The following MDM1 variants were observed in gnomAD, a reference collection of about 807,000 sequenced individuals.
MDM1 encodes Mdm1 nuclear protein.
A neutral mutation model predicts 89.1 loss-of-function variants in MDM1; 61 were observed. The ratio of observed to expected loss-of-function variants is 0.68; its 90% CI spans 0.56 to 0.85. The LOEUF (loss-of-function observed/expected upper bound fraction) is 0.85, where lower values mean the gene tolerates loss of function less well. Among genes scored for constraint, MDM1 ranks in the 40% least tolerant of loss-of-function variants. The probability of loss-of-function intolerance (pLI) is 0.00; values close to 1 mark genes in which losing one functional copy is unlikely to be tolerated. For missense variants in MDM1, 820 were observed against 846.5 expected (o/e 0.97, Z 0.39); for synonymous variants, 290 against 294.1 (o/e 0.99, Z 0.14).
At chr12:68,322,549 G>C (rs1875370363) in intron 5 of MDM1, among the ~76,000 whole-genome samples, 2 of 152,152 alleles carry the variant, frequency 1.3e-5, no homozygotes, top group Non-Finnish European at 2.9e-5. Flanking sequence ...CAGGAGAATT[G>C]CTTGAATCCG....
At chr12:68,296,555 ATTTG>A (rs1266636540) in intron 14 of MDM1, among the ~76,000 whole-genome samples, 4 of 152,356 alleles carry the variant, frequency 2.6e-5, no homozygotes, top group Non-Finnish European at 5.9e-5. Context: ...CTAATCATGT[ATTTG>A]TTTGACCATG....
chr12:68,299,023 G>T (rs1046765367), intron 13 of MDM1, among the ~76,000 whole-genome samples: 4 of 151,638 alleles, frequency 2.6e-5, no homozygotes, highest in Admixed American at 6.6e-5. Flanking sequence ...TATAACCAAA[G>T]AACTTATAAA....
At chr12:68,306,905 G>A (rs1033452051) in intron 12 of MDM1, among the ~76,000 whole-genome samples, 1 of 152,146 alleles carries the variant, frequency 6.6e-6, no homozygotes, top group African/African-American at 2.4e-5. Context: ...GTTTATTCCA[G>A]CACTATTCAC....
chr12:68,314,565 TA>T (rs1220793409), intron 10 of MDM1, among the ~76,000 whole-genome samples: 1 of 152,240 alleles, frequency 6.6e-6, no homozygotes, highest in Non-Finnish European at 1.5e-5. Context: ...AATCACTTTT[TA>T]AAAAATATTA....
At chr12:68,316,644 A>G (rs1404136747) in intron 7 of MDM1, 34 bp from the exon 8 acceptor site, 6 of 1,477,470 alleles carry the variant, frequency 4.1e-6, no homozygotes, top group Non-Finnish European at 4.6e-6. Context: ...ACTTAATGAT[A>G]GGTTAATGCC....
intron 14 of MDM1, 55 bp downstream of exon 14, chr12:68,296,868 T>C (rs1871464089): frequency 8.1e-7 from 1 of 1,231,814 alleles, no homozygotes; most frequent in Non-Finnish European, 1.1e-6. Context: ...TGTAAAGCCA[T>C]TATACTCTCA....
chr12:68,295,365 A>T lies in MDM1; in HGVS notation c.2064T>A (p.Asp688Glu). 5 of 1,599,224 alleles carry T rather than the reference A, an allele frequency of 3.1e-6. No homozygotes were observed. The highest frequency in any genetic ancestry group is 4.3e-6 in the Non-Finnish European group (5 of 1,170,926). The part of the protein sequence containing the change: ...LPQHEAFNDE[D>E]EDRLSEISAR... ...CAGAAATCTCAGACAATCTGTCCTC[A>T]TCTGCAATGAAAAAATCCCGAGATT... Residue 688 changes from aspartate (D) to glutamate (E), a missense_variant and splice_region_variant, in exon 15 of 15, where the codon GAT (aspartate) becomes GAA (glutamate). By Grantham distance (45) the Asp-to-Glu change is conservative. Transcript: ENST00000682720.
intron 7 of MDM1, among the ~76,000 whole-genome samples, chr12:68,317,382 T>C (rs1293434942): frequency 6.6e-6 from 1 of 152,018 alleles, no homozygotes; most frequent in Non-Finnish European, 1.5e-5. Context: ...AGAAAATCTT[T>C]ATTCTAGAAT....
chr12:68,326,459 A>G, intron 3 of MDM1, 198 bp downstream of exon 3: 1 of 1,476,828 alleles, frequency 6.8e-7, no homozygotes, highest in Non-Finnish European at 8.9e-7. Context: ...TACAACTACT[A>G]CAAAATAGCG....
At chr12:68,323,036 G>A (rs1483559443) in intron 5 of MDM1, 37 bp downstream of exon 5, 15 of 1,562,816 alleles carry the variant, frequency 9.6e-6, no homozygotes, top group Non-Finnish European at 1.2e-5. Context: ...TAAAATAACG[G>A]GGATTTTGTT....
At chr12:68,326,388 C>T (rs1008731686) in intron 3 of MDM1, 2 of 1,439,884 alleles carry the variant, frequency 1.4e-6, no homozygotes, top group Admixed American at 5.7e-5. Flanking sequence ...GACTCAGGTG[C>T]TAATATATGA....
At chr12:68,298,452 G>T (rs1192064706) in intron 13 of MDM1, among the ~76,000 whole-genome samples, 1 of 152,114 alleles carries the variant, frequency 6.6e-6, no homozygotes, top group African/African-American at 2.4e-5. Context: ...CTCATGAAGG[G>T]TCTTGGAGAA....
chr12:68,327,039 C>G lies in MDM1; in HGVS notation c.134-18G>C, dbSNP rs771928650. 6.1e-5 allele frequency: 95 copies of G among 1,548,500 alleles called. 1 individual carries two copies. The highest frequency in any genetic ancestry group is 3.4e-4 in the Admixed American group (16 of 47,618). On this transcript the variant is annotated intron_variant, in intron 2 of 14. Coordinates refer to ENST00000682720, the MANE Select transcript of MDM1 (RefSeq NM_001354969.2). ...CGTGATGCCTACAAAACACGGTATA[C>G]AAAAATAGTAGCTACTAAAGCAAAA...
At chr12:68,312,810 T>C (rs1017610217) in intron 12 of MDM1, among the ~76,000 whole-genome samples, 2 of 152,092 alleles carry the variant, frequency 1.3e-5, no homozygotes, top group Admixed American at 1.3e-4. Context: ...ACAGTGACCT[T>C]CTAGCTGTTC....
At chr12:68,301,842 CAGCTAATTTTTTTGTA>C (rs1872204467) in intron 13 of MDM1, among the ~76,000 whole-genome samples, 2 of 151,930 alleles carry the variant, frequency 1.3e-5, no homozygotes, top group South Asian at 4.2e-4. Flanking sequence ...CTAACACACC[CAGCTAATTTTTTTGTA>C]ACAGAGACAG....
intron 9 of MDM1, 134 bp from the exon 10 acceptor site, chr12:68,315,399 G>T: frequency 2.6e-6 from 2 of 767,084 alleles, no homozygotes; most frequent in South Asian, 2.2e-5. Flanking sequence ...CCTTGCTCAG[G>T]TATTGAAGAA....
chr12:68,319,653 T>C (rs1874963996), intron 7 of MDM1, among the ~76,000 whole-genome samples: 1 of 152,242 alleles, frequency 6.6e-6, no homozygotes, highest in Non-Finnish European at 1.5e-5. Flanking sequence ...GATCACTGAC[T>C]TCTTAGCTAA....
In MDM1 at chr12:68,295,276, TC is replaced by T; in HGVS notation, c.2152del (p.Glu718ArgfsTer11). ...GGTTTATGTTTTACCCCAGAAATTC[TC>T]CTTCCTTTTCTTAGCTCGTGCCAGA... is the stretch of plus-strand genomic sequence containing the variant. ...QTLARAKKRK[E>X]NFWGKT On this transcript the variant is annotated frameshift_variant, in exon 15 of 15. Transcript: ENST00000682720. LOFTEE classifies it high-confidence loss of function. 6.2e-7 allele frequency: 1 copy of T among 1,612,104 alleles called. No individual in the cohort carries two copies. The highest frequency in any genetic ancestry group is 8.5e-7 in the Non-Finnish European group (1 of 1,178,862).
Position 68,302,760 on chromosome 12 carries a change from G to GC in MDM1, c.1861dup (p.Ala621GlyfsTer40). On this transcript the variant is annotated frameshift_variant, in exon 13 of 15. Coordinates refer to ENST00000682720, the MANE Select transcript of MDM1 (RefSeq NM_001354969.2). LOFTEE classifies it high-confidence loss of function. ...TGGAATTTTTGAAACTGGAAGAGTT[G>GC]CCTCAGCAAATTTGTGGATATTGTC... is the stretch of plus-strand genomic sequence containing the variant. 1 of 1,613,890 alleles carries GC rather than the reference G, an allele frequency of 6.2e-7. No homozygotes were observed. The highest frequency in any genetic ancestry group is 8.5e-7 in the Non-Finnish European group (1 of 1,179,994).
Sources: allele counts gnomAD v4.1 joint callset (sites outside exome capture counted in the v4.1 genomes callset), GRCh38; gene constraint gnomAD v4.1.1; transcripts MANE v1.5; gene names NCBI Gene and HGNC (gene_info 2026-07-23, HGNC 2026-07-21).